CCDC38: variants seen among roughly 807,000 people sequenced by gnomAD.
CCDC38 encodes the protein coiled-coil domain-containing protein 38.
Under a neutral mutation model 72.8 loss-of-function variants are expected in CCDC38, and 69 were observed. The observed-to-expected ratio is 0.95, with a 90% CI of 0.78 to 1.16. CCDC38 has a LOEUF of 1.16. Ranked by LOEUF, CCDC38 falls within the 50% of genes most tolerant of loss-of-function variation. CCDC38 has a pLI of 0.00. For missense variants in CCDC38, 626 were observed against 638.9 expected, an observed-to-expected ratio of 0.98 and a Z score of 0.22; for synonymous variants, 201 against 213.2, an observed-to-expected ratio of 0.94 and a Z score of 0.50.
At chr12:95,896,223 A>G (rs2079887872) in intron 7 of CCDC38, among the ~76,000 whole-genome samples, 2 of 152,124 alleles carry the variant, frequency 1.3e-5, no homozygotes, top group Admixed American at 1.3e-4. Flanking sequence ...TTATCTTGGA[A>G]AGGAGATGTA....
At chr12:95,932,600 T>C (rs544213929) in intron 2 of CCDC38, among the ~76,000 whole-genome samples, 1 of 152,294 alleles carries the variant, frequency 6.6e-6, no homozygotes, top group African/African-American at 2.4e-5. Flanking sequence ...AATAACTGCA[T>C]AACATAATCT....
chr12:95,941,225 C>G (rs7311009), intron 1 of CCDC38, among the ~76,000 whole-genome samples: 3,886 of 152,306 alleles, frequency 0.026, 82 homozygotes, highest in South Asian at 0.038. Context: ...CCAGAACTTG[C>G]AAGCTTTAAG....
intron 1 of CCDC38, among the ~76,000 whole-genome samples, chr12:95,938,204 C>A (rs1457853102): frequency 6.6e-6 from 1 of 152,070 alleles, no homozygotes; most frequent in Admixed American, 6.5e-5. Flanking sequence ...AACATTTTTT[C>A]ACAGGCATTA....
At chr12:95,903,501 A>C (rs1338737430) in intron 5 of CCDC38, 1 of 698,948 alleles carries the variant, frequency 1.4e-6, no homozygotes, top group Admixed American at 2.0e-5. Flanking sequence ...TTTTACCATT[A>C]GATATGTAAT....
At chr12:95,923,858 C>T (rs1355103034) in intron 2 of CCDC38, among the ~76,000 whole-genome samples, 5 of 112,466 alleles carry the variant, frequency 4.4e-5, no homozygotes, top group Non-Finnish European at 8.9e-5. Context: ...CATGTCCCTA[C>T]AAAGGACATG....
chr12:95,895,866 G>A (rs1377530529), intron 7 of CCDC38, among the ~76,000 whole-genome samples: 6 of 151,608 alleles, frequency 4.0e-5, no homozygotes, highest in African/African-American at 1.5e-4. Context: ...GACCAGCTTG[G>A]CCAACATGGT....
At chr12:95,880,193 AGTATG>A (rs1182489898) in intron 11 of CCDC38, among the ~76,000 whole-genome samples, 2 of 152,304 alleles carry the variant, frequency 1.3e-5, no homozygotes, top group East Asian at 3.9e-4. Context: ...TTTAAGATAA[AGTATG>A]TGTTACCTTA....
chr12:95,917,864 G>A (rs56116053), intron 3 of CCDC38, among the ~76,000 whole-genome samples: 13,329 of 118,914 alleles, frequency 0.11, 1,028 homozygotes, highest in African/African-American at 0.26. Context: ...GAGCAAGACT[G>A]TCAAAAAAAA....
In CCDC38 at chr12:95,927,605, C is replaced by T. The variant is rs917593165; in HGVS notation, c.38-8629G>A. 1.3e-3 allele frequency among the ~76,000 whole-genome samples: 200 copies of T among 152,198 alleles called. 4 individuals are homozygous for T. In the South Asian group the frequency reaches 0.035, roughly 27 times the overall value. The stretch of plus-strand genomic sequence containing the variant: ...TATGATGTTAGCTGGTTATTTTGCT[C>T]GTTAGTTCATGCAGTTTCTTCCTAG... On this transcript the variant is annotated intron_variant, in intron 2 of 15. Transcript: ENST00000344280.
At chr12:95,921,136 AAAAAGAAAAAG>A (rs1433055597) in intron 2 of CCDC38, among the ~76,000 whole-genome samples, 1 of 150,754 alleles carries the variant, frequency 6.6e-6, no homozygotes, top group Non-Finnish European at 1.5e-5. Flanking sequence ...CTCAAAAAAA[AAAAAGAAAAAG>A]AAAAAGAAAA....
At chr12:95,897,255 A>T (rs1434243934) in intron 7 of CCDC38, among the ~76,000 whole-genome samples, 2 of 152,194 alleles carry the variant, frequency 1.3e-5, no homozygotes. Flanking sequence ...ACTACAGTGT[A>T]TTCTGAATCA....
rs1209294947 is a variant in CCDC38 at position 95,912,702 on chromosome 12, G to A, written c.304+4427C>T. Among the ~76,000 whole-genome samples the A allele has an allele frequency of 2.0e-5, 3 of 152,148 alleles. No individual in the cohort carries two copies. In the South Asian group the frequency reaches 6.2e-4, roughly 31 times the overall value. ...TTTGATTATGGCACATTGTATACAT[G>A]TATTGAAACATCACACCATACCCTA... On this transcript the variant is annotated intron_variant, in intron 4 of 15. Transcript: ENST00000344280.
intron 7 of CCDC38, among the ~76,000 whole-genome samples, chr12:95,895,416 A>G (rs1355005324): frequency 6.6e-6 from 1 of 152,024 alleles, no homozygotes; most frequent in Non-Finnish European, 1.5e-5. Context: ...ATTATTCTGT[A>G]GGAAACACTG....
intron 8 of CCDC38, among the ~76,000 whole-genome samples, chr12:95,891,198 G>T (rs1361027774): frequency 6.6e-6 from 1 of 152,198 alleles, no homozygotes; most frequent in Non-Finnish European, 1.5e-5. Flanking sequence ...GAACTGACTG[G>T]TAGGGCACTA....
chr12:95,869,968 T>C (rs551980956), intron 14 of CCDC38, among the ~76,000 whole-genome samples: 10 of 152,072 alleles, frequency 6.6e-5, no homozygotes, highest in African/African-American at 2.4e-4. Context: ...GGATTACAGG[T>C]GCATGCCACC....
intron 1 of CCDC38, among the ~76,000 whole-genome samples, chr12:95,937,760 T>G (rs770755689): frequency 6.6e-6 from 1 of 152,208 alleles, no homozygotes; most frequent in African/African-American, 2.4e-5. Context: ...GGTATTTACT[T>G]ATGTGTGAGC....
rs1388771031 is a variant in CCDC38 at position 95,895,110 on chromosome 12, A to T, written c.651T>A (p.Tyr217Ter). 3.7e-6 allele frequency: 6 copies of T among 1,612,462 alleles called. No homozygotes were observed. Among genetic ancestry groups the T allele is most frequent in the Admixed American group, 1.7e-5 (1 of 59,772 alleles). Residue 217 changes from tyrosine (Y) to a stop codon, truncating the protein, a stop_gained, in exon 8 of 16, where the codon TAT becomes TAA. Transcript: ENST00000344280. LOFTEE classifies it high-confidence loss of function. ...GCAGCAGAAAAAAACCATATTTCAT[A>T]TACTCCCTGAGGAGGAATTCTGTTT... The part of the protein sequence containing the change: ...IAKTEFLLRE[Y>*]MKYGFFLLQM...
chr12:95,877,656 A>G lies in CCDC38; in HGVS notation c.1278+555T>C, dbSNP rs545486390. ...AAAGGGACCCTCAACTGAATGAAGA[A>G]TAATAAGTCAATCCCTGCACTCAAG... is the stretch of plus-strand genomic sequence containing the variant. On this transcript the variant is annotated intron_variant, in intron 13 of 15. Coordinates refer to ENST00000344280, the MANE Select transcript of CCDC38 (RefSeq NM_182496.3). Among the ~76,000 whole-genome samples the G allele has an allele frequency of 1.1e-4, 17 of 152,312 alleles. 1 individual carries two copies. Among genetic ancestry groups the G allele is most frequent in the Admixed American group, 3.9e-4 (6 of 15,294 alleles).
chr12:95,941,789 G>GCACA (rs1011932227), intron 1 of CCDC38, among the ~76,000 whole-genome samples: 1 of 151,670 alleles, frequency 6.6e-6, no homozygotes, highest in Admixed American at 6.6e-5. Flanking sequence ...TAAAAGCTAT[G>GCACA]CACACACACA....
Sources: gnomAD v4.1 joint callset for allele counts (sites outside exome capture counted in the v4.1 genomes callset) on GRCh38, gnomAD v4.1.1 for gene constraint, MANE v1.5 for transcripts, NCBI Gene and HGNC (gene_info 2026-07-23, HGNC 2026-07-21) for gene names.